Variants in UCK2 observed in about 807,000 individuals in gnomAD.
UCK2 encodes the protein uridine-cytidine kinase 2.
A neutral mutation model predicts 30.8 loss-of-function variants in UCK2; 6 were observed. That is an observed-to-expected ratio of 0.19 (90% CI 0.11 to 0.38). UCK2 has a LOEUF of 0.38. Among genes scored for constraint, UCK2 ranks in the 10% least tolerant of loss-of-function variants. UCK2 has a pLI of 1.00. For missense variants in UCK2, 210 were observed against 339.8 expected (o/e 0.62, Z 3.00); for synonymous variants, 125 against 133.6 (o/e 0.94, Z 0.45).
At chr1:165,881,720 T>C (rs890059509) in intron 1 of UCK2, among the ~76,000 whole-genome samples, 6 of 152,256 alleles carry the variant, frequency 3.9e-5, no homozygotes, top group Non-Finnish European at 8.8e-5. Flanking sequence ...TTAGCTATTA[T>C]TATCATCACT....
intron 3 of UCK2, among the ~76,000 whole-genome samples, chr1:165,895,031 G>A (rs1655858019): frequency 6.6e-6 from 1 of 152,206 alleles, no homozygotes; most frequent in Admixed American, 6.5e-5. Flanking sequence ...AGTGAAAGCT[G>A]CAGCAAGGCA....
At chr1:165,894,834 T>A (rs939334344) in intron 3 of UCK2, among the ~76,000 whole-genome samples, 10 of 152,102 alleles carry the variant, frequency 6.6e-5, no homozygotes, top group African/African-American at 2.4e-4. Flanking sequence ...GATACTGACC[T>A]CCTTATGTTT....
At chr1:165,868,459 G>A (rs752785868) in intron 1 of UCK2, among the ~76,000 whole-genome samples, 6 of 152,180 alleles carry the variant, frequency 3.9e-5, no homozygotes, top group African/African-American at 1.4e-4. Context: ...AAAATCTTTA[G>A]TGTAGCTACC....
chr1:165,867,516 A>G (rs550150641), intron 1 of UCK2, among the ~76,000 whole-genome samples: 4 of 152,368 alleles, frequency 2.6e-5, no homozygotes, highest in East Asian at 3.9e-4. Context: ...TGCTTTATCA[A>G]CTAAGCTTAT....
chr1:165,833,320 TAGTCCA>T (rs1456915989), intron 1 of UCK2, among the ~76,000 whole-genome samples: 2 of 152,216 alleles, frequency 1.3e-5, no homozygotes, highest in East Asian at 1.9e-4. Context: ...TTACTCTAGC[TAGTCCA>T]GCCAGACCCA....
At chr1:165,829,091 C>G (rs563669481) in intron 1 of UCK2, among the ~76,000 whole-genome samples, 1 of 152,082 alleles carries the variant, frequency 6.6e-6, no homozygotes, top group Non-Finnish European at 1.5e-5. Context: ...TACATTTTTC[C>G]CTCCTGGTCT....
chr1:165,884,454 G>A (rs1467577307), intron 1 of UCK2, among the ~76,000 whole-genome samples: 1 of 152,216 alleles, frequency 6.6e-6, no homozygotes, highest in Non-Finnish European at 1.5e-5. Context: ...TGACTGTGAG[G>A]TGTGCCAGCC....
intron 1 of UCK2, among the ~76,000 whole-genome samples, chr1:165,862,955 T>TTTTG (rs1186010678): frequency 6.6e-5 from 10 of 152,150 alleles, no homozygotes; most frequent in African/African-American, 2.4e-4. Flanking sequence ...TTTTTAGGGA[T>TTTTG]TTTGTTAGGC....
chr1:165,865,501 A>AT (rs1350679534), intron 1 of UCK2, among the ~76,000 whole-genome samples: 2 of 152,054 alleles, frequency 1.3e-5, no homozygotes, highest in Admixed American at 6.6e-5. Flanking sequence ...TTTTTTCCCC[A>AT]TTTTTTAGGG....
chr1:165,835,915 T>C (rs911073692), intron 1 of UCK2, among the ~76,000 whole-genome samples: 4 of 152,222 alleles, frequency 2.6e-5, no homozygotes, highest in African/African-American at 9.6e-5. Context: ...ACTGTACTTA[T>C]TAGTATAAAA....
At chr1:165,856,449 A>G (rs929582677) in intron 1 of UCK2, among the ~76,000 whole-genome samples, 6 of 53,384 alleles carry the variant, frequency 1.1e-4, no homozygotes, top group South Asian at 8.1e-4. Context: ...CCCCACCCCC[A>G]CCCCACAAGT....
intron 1 of UCK2, among the ~76,000 whole-genome samples, chr1:165,856,078 G>A (rs1416798039): frequency 1.3e-5 from 2 of 152,134 alleles, no homozygotes; most frequent in African/African-American, 4.8e-5. Flanking sequence ...TTAAAATGAT[G>A]TGTGTCTTCC....
At chr1:165,902,591 G>GTTTTTTTTTTTT (rs1557850463) in intron 4 of UCK2, 2 of 38,890 alleles carry the variant, frequency 5.1e-5, no homozygotes, top group Non-Finnish European at 7.0e-5. Flanking sequence ...TTCACTGAGT[G>GTTTTTTTTTTTT]ATTTTTTTTT....
In UCK2 at chr1:165,827,849, G is replaced by A; in HGVS notation, c.16G>A (p.Glu6Lys). 2.0e-6 allele frequency: 3 copies of A among 1,469,812 alleles called. No homozygotes were observed. Among genetic ancestry groups the A allele is most frequent in the Non-Finnish European group, 2.7e-6 (3 of 1,103,366 alleles). 91.0% of individuals were successfully genotyped at this position (1,469,812 alleles called of 1,614,324 possible). A position where few individuals can be genotyped will look rare whatever the true frequency, so the allele number is the denominator to read the frequency against. Reference sequence around the variant, plus strand: ...GGCGCGAACCATGGCCGGGGACAGCGAGCAGACCCTGCAGAACCACCAGCA... The same window carrying A: ...GGCGCGAACCATGGCCGGGGACAGCAAGCAGACCCTGCAGAACCACCAGCA... Reference protein sequence around the residue: MAGDSEQTLQNHQQPN... With the variant: MAGDSKQTLQNHQQPN... The change falls in exon 1 of 7, where the codon GAG (glutamate) becomes AAG (lysine). Residue 6 changes from glutamate to lysine, a missense_variant. This residue lies in a region of UCK2 where 50 missense variants were observed against 41.0 expected (regional missense o/e 1.22). Transcript: ENST00000367879.
At chr1:165,843,606 C>T (rs925632307) in intron 1 of UCK2, among the ~76,000 whole-genome samples, 2 of 151,998 alleles carry the variant, frequency 1.3e-5, no homozygotes, top group African/African-American at 4.8e-5. Flanking sequence ...GTAGAACCCC[C>T]CATCTCTACA....
rs80097754 is a variant in UCK2, at chr1:165,866,443, A to G, written c.100-23761A>G. Reference sequence around the variant, plus strand: ...CACTGGAATAAGTGTTCACAGATTGATAACATAAGATCCCTGCCCTTGATA... The same window carrying G: ...CACTGGAATAAGTGTTCACAGATTGGTAACATAAGATCCCTGCCCTTGATA... On this transcript the variant is annotated intron_variant, in intron 1 of 6. Coordinates refer to ENST00000367879, the MANE Select transcript of UCK2 (RefSeq NM_012474.5). 5.8e-3 allele frequency among the ~76,000 whole-genome samples: 890 copies of G among 152,304 alleles called. 4 individuals are homozygous for G. Among genetic ancestry groups the G allele is most frequent in the Non-Finnish European group, 8.7e-3 (594 of 68,022 alleles).
Position 165,890,209 on chromosome 1 carries a change from CGT to C in UCK2, c.111_112del (p.Ala38Ter). 6.2e-7 allele frequency: 1 copy of C among 1,614,038 alleles called. No individual in the cohort carries two copies. Among genetic ancestry groups the C allele is most frequent in the Non-Finnish European group, 8.5e-7 (1 of 1,180,014 alleles). On this transcript the variant is annotated frameshift_variant, in exon 2 of 7. Coordinates refer to ENST00000367879, the MANE Select transcript of UCK2 (RefSeq NM_012474.5). LOFTEE classifies it high-confidence loss of function. ...GCTCTCTTCTCTCCTCACAGTCTTC[CGT>C]GTGTGCTAAGATCGTGCAGCTCCTG... ...SGGTASGKSS[V>X]CAKIVQLLGQ... is the part of the protein sequence containing the mutation.
chr1:165,888,872 A>G (rs1202498711), intron 1 of UCK2, among the ~76,000 whole-genome samples: 2 of 152,166 alleles, frequency 1.3e-5, no homozygotes, highest in African/African-American at 4.8e-5. Context: ...TCTTTGTATG[A>G]AATGAAAAAA....
intron 4 of UCK2, among the ~76,000 whole-genome samples, chr1:165,900,979 G>A (rs1250711101): frequency 6.6e-6 from 1 of 152,104 alleles, no homozygotes; most frequent in Non-Finnish European, 1.5e-5. Flanking sequence ...TGAAGAATTG[G>A]AGGCCGCGCT....
Sources: gnomAD v4.1 joint callset for allele counts (sites outside exome capture counted in the v4.1 genomes callset) on GRCh38, gnomAD v4.1.1 for gene constraint, gnomAD v4.1.1 regional missense constraint, MANE v1.5 for transcripts, NCBI Gene and HGNC (gene_info 2026-07-23, HGNC 2026-07-21) for gene names.